The following FTCDNL1 variants were observed in gnomAD, a reference collection of about 807,000 sequenced individuals.
FTCDNL1 encodes the protein formiminotransferase cyclodeaminase N-terminal like, also known as formiminotransferase N-terminal subdomain-containing protein.
In FTCDNL1, 11 loss-of-function variants were observed where a neutral mutation model predicts 5.9. The ratio of observed to expected loss-of-function variants is 1.87; its 90% CI spans 1.18 to 3.10. FTCDNL1 has a LOEUF of 3.10. Ranked by LOEUF, FTCDNL1 falls within the 30% of genes most tolerant of loss-of-function variation. The probability of loss-of-function intolerance (pLI) is 0.00; values close to 1 mark genes in which losing one functional copy is unlikely to be tolerated. For missense variants in FTCDNL1, 115 were observed against 65.5 expected, an observed-to-expected ratio of 1.76 and a Z score of -2.61; for synonymous variants, 58 against 24.8, an observed-to-expected ratio of 2.34 and a Z score of -3.99.
At chr2:199,815,978 T>C (rs1701327428) in intron 4 of FTCDNL1, among the ~76,000 whole-genome samples, 5 of 149,974 alleles carry the variant, frequency 3.3e-5, no homozygotes. Flanking sequence ...CCAGCCTGGG[T>C]GACAGAGCGA....
chr2:199,826,279 C>A (rs1171093808), intron 3 of FTCDNL1, among the ~76,000 whole-genome samples: 1 of 152,122 alleles, frequency 6.6e-6, no homozygotes, highest in African/African-American at 2.4e-5. Context: ...GGCAGGGGTG[C>A]ATTTTAATTT....
the FTCDNL1 span, among the ~76,000 whole-genome samples, chr2:199,674,955 A>G: frequency 6.6e-6 from 1 of 152,248 alleles, no homozygotes; most frequent in African/African-American, 2.4e-5. Context: ...TAATTGCATT[A>G]AAGTTTCTCA....
intron 3 of FTCDNL1, among the ~76,000 whole-genome samples, chr2:199,762,010 G>C (rs1698292687): frequency 6.6e-6 from 1 of 152,024 alleles, no homozygotes; most frequent in Non-Finnish European, 1.5e-5. Flanking sequence ...GAATTGTCTT[G>C]GGCCACACAT....
the FTCDNL1 span, among the ~76,000 whole-genome samples, chr2:199,671,671 T>C: frequency 6.6e-6 from 1 of 152,148 alleles, no homozygotes; most frequent in African/African-American, 2.4e-5. Context: ...TGTCCCCTGC[T>C]AGCTGAGTGG....
At chr2:199,771,183 G>A (rs1221194720) in intron 3 of FTCDNL1, among the ~76,000 whole-genome samples, 1 of 152,164 alleles carries the variant, frequency 6.6e-6, no homozygotes, top group African/African-American at 2.4e-5. Context: ...AGCAACTGAT[G>A]ACACCATTCC....
the FTCDNL1 span, among the ~76,000 whole-genome samples, chr2:199,702,786 A>G: frequency 6.6e-6 from 1 of 152,234 alleles, no homozygotes. Context: ...GAACATAGCC[A>G]GGGAAGGCCT....
rs115467098 is a variant in FTCDNL1, at chr2:199,783,542, G to C, written c.212-22707C>G. ...CTTAGGTATTAGCACCATCTTCTGG[G>C]ACCCTGTCAGGGTTTTAAATTCTTT... On this transcript the variant is annotated intron_variant, in intron 3 of 3. Transcript: ENST00000416668. 4.5e-3 allele frequency among the ~76,000 whole-genome samples: 686 copies of C among 152,220 alleles called. 6 individuals are homozygous for C. Among genetic ancestry groups the C allele is most frequent in the African/African-American group, 0.015 (616 of 41,532 alleles).
chr2:199,760,176 C>T (rs1478874763), downstream of FTCDNL1, among the ~76,000 whole-genome samples: 1 of 149,664 alleles, frequency 6.7e-6, no homozygotes, highest in Non-Finnish European at 1.5e-5. Context: ...GCGGGGGAGT[C>T]GTAAGGAAGA....
At chr2:199,721,008 G>A in the FTCDNL1 span, among the ~76,000 whole-genome samples, 1 of 152,066 alleles carries the variant, frequency 6.6e-6, no homozygotes, top group East Asian at 1.9e-4. Flanking sequence ...CTATCTCCAG[G>A]TTTTCTGCAA....
the FTCDNL1 span, among the ~76,000 whole-genome samples, chr2:199,703,978 T>G: frequency 6.6e-6 from 1 of 152,156 alleles, no homozygotes; most frequent in Non-Finnish European, 1.5e-5. Context: ...CTAAGAACAC[T>G]GCAGCCTGGA....
rs1701055233 is a variant in FTCDNL1, at chr2:199,811,855, A to G, written c.*850T>C. Among the ~76,000 whole-genome samples, 1 of 152,254 alleles carries G rather than the reference A, an allele frequency of 6.6e-6. No individual in the cohort carries two copies. The highest frequency in any genetic ancestry group is 2.1e-4 in the South Asian group (1 of 4,834). On this transcript the variant is annotated 3_prime_UTR_variant, in exon 5 of 5. Coordinates refer to ENST00000420128, the MANE Select transcript of FTCDNL1 (RefSeq NM_001363886.2). ...TAAAGATAAAGTAAGCTTAGACATAAGCCCTAAGGACAAGAGTTCAATAAA... is the reference window on the plus strand; with the variant it reads ...TAAAGATAAAGTAAGCTTAGACATAGGCCCTAAGGACAAGAGTTCAATAAA...
chr2:199,749,068 T>A, the FTCDNL1 span, among the ~76,000 whole-genome samples: 42 of 152,290 alleles, frequency 2.8e-4, no homozygotes, highest in African/African-American at 1.0e-3. Flanking sequence ...AGCACCTGCT[T>A]TTCCTCCGTC....
intron 3 of FTCDNL1, among the ~76,000 whole-genome samples, chr2:199,825,471 G>A (rs1423252937): frequency 7.2e-5 from 11 of 152,180 alleles, no homozygotes; most frequent in South Asian, 2.1e-4. Context: ...TGTCCCCTCC[G>A]AATCTCATGT....
intron 3 of FTCDNL1, among the ~76,000 whole-genome samples, chr2:199,789,457 A>T (rs1574511795): frequency 6.6e-6 from 1 of 152,304 alleles, no homozygotes; most frequent in African/African-American, 2.4e-5. Context: ...TAAAAATAAT[A>T]GTAATAGAAG....
At chr2:199,763,624 C>T (rs970115741) in intron 3 of FTCDNL1, among the ~76,000 whole-genome samples, 3 of 152,268 alleles carry the variant, frequency 2.0e-5, no homozygotes, top group Admixed American at 6.5e-5. Context: ...GATGAGACAA[C>T]TTGGGGATTT....
At chr2:199,782,724 T>G (rs922466817) in intron 3 of FTCDNL1, among the ~76,000 whole-genome samples, 1 of 152,232 alleles carries the variant, frequency 6.6e-6, no homozygotes, top group Non-Finnish European at 1.5e-5. Flanking sequence ...AGTTTCAATC[T>G]CAGTTTCTAG....
At chr2:199,678,684 T>C in the FTCDNL1 span, among the ~76,000 whole-genome samples, 1 of 152,048 alleles carries the variant, frequency 6.6e-6, no homozygotes, top group Non-Finnish European at 1.5e-5. Context: ...AGGAAATACA[T>C]ACACATATAC....
chr2:199,668,919 G>A, the FTCDNL1 span, among the ~76,000 whole-genome samples: 2 of 152,114 alleles, frequency 1.3e-5, no homozygotes, highest in African/African-American at 4.8e-5. Context: ...TACAGTGTAG[G>A]ATGAAGCAAA....
chr2:199,683,081 C>G, the FTCDNL1 span, among the ~76,000 whole-genome samples: 1,702 of 152,322 alleles, frequency 0.011, 23 homozygotes, highest in Non-Finnish European at 0.017. Context: ...CACTGTACAA[C>G]TCCATTCAGG....
Sources: allele counts gnomAD v4.1 joint callset (sites outside exome capture counted in the v4.1 genomes callset), GRCh38; gene constraint gnomAD v4.1.1; transcripts MANE v1.5; gene names NCBI Gene and HGNC (gene_info 2026-07-23, HGNC 2026-07-21).